Variants in SLC25A26 observed in about 807,000 individuals in gnomAD.
SLC25A26 encodes mitochondrial S-adenosylmethionine carrier protein.
Under a neutral mutation model 37.8 loss-of-function variants are expected in SLC25A26, and 36 were observed. The observed-to-expected ratio is 0.95, with a 90% CI of 0.73 to 1.26. The LOEUF is 1.26. SLC25A26 is among the 50% of genes most tolerant of loss of function. The probability of loss-of-function intolerance (pLI) is 0.00; values close to 1 mark genes in which losing one functional copy is unlikely to be tolerated. For synonymous variants in SLC25A26, 129 were observed against 122.5 expected (o/e 1.05, Z -0.35); for missense variants, 390 against 331.1 (o/e 1.18, Z -1.38).
chr3:66,311,003 T>G (rs1255986062), intron 5 of SLC25A26, among the ~76,000 whole-genome samples: 1 of 152,160 alleles, frequency 6.6e-6, no homozygotes, highest in Non-Finnish European at 1.5e-5. Context: ...ATCTTAGTGG[T>G]GCTCTCTGTA....
chr3:66,191,216 G>A (rs1288036152), intron 1 of SLC25A26, among the ~76,000 whole-genome samples: 3 of 152,266 alleles, frequency 2.0e-5, no homozygotes, highest in Admixed American at 6.5e-5. Flanking sequence ...GCAATGTGGC[G>A]AAACNCCATC....
At chr3:66,176,875 C>A (rs1188596680) in intron 1 of SLC25A26, among the ~76,000 whole-genome samples, 4 of 152,152 alleles carry the variant, frequency 2.6e-5, no homozygotes, top group Non-Finnish European at 4.4e-5. Flanking sequence ...GGAAATCGAC[C>A]TTCTTCCCAG....
At chr3:66,150,560 A>G (rs1404288167) in intron 1 of SLC25A26, among the ~76,000 whole-genome samples, 1 of 127,104 alleles carries the variant, frequency 7.9e-6, no homozygotes, top group Non-Finnish European at 1.6e-5. Context: ...ATATATAATG[A>G]TATATATAAA....
At chr3:66,356,111 A>G in intron 6 of SLC25A26, 1 of 456,132 alleles carries the variant, frequency 2.2e-6, no homozygotes, top group East Asian at 6.9e-5. Context: ...TGGAGCCAAA[A>G]CAGTTATTTT....
chr3:66,359,311 A>G (rs1423303932), intron 6 of SLC25A26, among the ~76,000 whole-genome samples: 1 of 152,146 alleles, frequency 6.6e-6, no homozygotes, highest in African/African-American at 2.4e-5. Context: ...ACCTTCATCA[A>G]ATATTAGACC....
At chr3:66,257,654 A>G (rs1474203071) in intron 3 of SLC25A26, among the ~76,000 whole-genome samples, 2 of 152,098 alleles carry the variant, frequency 1.3e-5, no homozygotes. Context: ...CTAGATTATC[A>G]GCCTTTCTCT....
At chr3:66,134,597 T>G (rs1158858388) in intron 1 of SLC25A26, among the ~76,000 whole-genome samples, 1 of 152,240 alleles carries the variant, frequency 6.6e-6, no homozygotes, top group East Asian at 1.9e-4. Flanking sequence ...AGAATGTATC[T>G]TTAGTTACCT....
In SLC25A26 at chr3:66,347,689, G is replaced by A. The variant is rs539871475; in HGVS notation, c.498+1281G>A. The stretch of plus-strand genomic sequence containing the variant: ...TACATACATACATATATTCATTGCA[G>A]CACTATTTATAATAGCAAAGACATG... On this transcript the variant is annotated intron_variant, in intron 6 of 9. Transcript: ENST00000354883. Among the ~76,000 whole-genome samples, 27 of 152,250 alleles carry A rather than the reference G, an allele frequency of 1.8e-4. No individual in the cohort carries two copies. The South Asian group carries it at 5.4e-3, about 30-fold the overall frequency.
At chr3:66,296,439 A>G (rs2074905481) in intron 5 of SLC25A26, among the ~76,000 whole-genome samples, 1 of 152,220 alleles carries the variant, frequency 6.6e-6, no homozygotes, top group Non-Finnish European at 1.5e-5. Flanking sequence ...TTAAAAATAA[A>G]CTGTCATAAA....
intron 1 of SLC25A26, among the ~76,000 whole-genome samples, chr3:66,204,700 A>T (rs2071155319): frequency 6.6e-6 from 1 of 152,186 alleles, no homozygotes; most frequent in Non-Finnish European, 1.5e-5. Context: ...TAGTTGAGAA[A>T]TGACTTTGTT....
intron 5 of SLC25A26, among the ~76,000 whole-genome samples, chr3:66,329,657 C>G (rs1404266740): frequency 2.0e-5 from 3 of 152,170 alleles, no homozygotes; most frequent in Admixed American, 2.0e-4. Flanking sequence ...AAGAAAGGCA[C>G]TAACAGACAC....
intron 6 of SLC25A26, among the ~76,000 whole-genome samples, chr3:66,360,828 T>G (rs913310170): frequency 1.3e-5 from 2 of 152,230 alleles, no homozygotes; most frequent in Non-Finnish European, 2.9e-5. Flanking sequence ...ACTGGTTCTC[T>G]CCAAAATAAT....
At chr3:66,350,587 CT>C in intron 6 of SLC25A26, among the ~76,000 whole-genome samples, 1 of 152,272 alleles carries the variant, frequency 6.6e-6, no homozygotes, top group Non-Finnish European at 1.5e-5. Flanking sequence ...CACTTAGGTT[CT>C]CAGGAACATA....
chr3:66,217,869 A>C (rs1289267359), upstream of SLC25A26, among the ~76,000 whole-genome samples: 1 of 152,206 alleles, frequency 6.6e-6, no homozygotes, highest in Non-Finnish European at 1.5e-5. Context: ...ATATATACTA[A>C]GTACAACCAT....
intron 3 of SLC25A26, among the ~76,000 whole-genome samples, chr3:66,246,820 C>G (rs772266422): frequency 6.6e-6 from 1 of 152,176 alleles, no homozygotes; most frequent in African/African-American, 2.4e-5. Flanking sequence ...GTAGCTGAGA[C>G]TACTGGTGTG....
intron 6 of SLC25A26, among the ~76,000 whole-genome samples, chr3:66,354,084 C>A (rs1164512114): frequency 2.0e-5 from 3 of 151,722 alleles, no homozygotes; most frequent in African/African-American, 7.3e-5. Flanking sequence ...CCATACAGAT[C>A]TTTTCTTATC....
intron 3 of SLC25A26, among the ~76,000 whole-genome samples, chr3:66,257,796 G>A (rs985892407): frequency 9.2e-5 from 14 of 152,068 alleles, no homozygotes; most frequent in Admixed American, 2.6e-4. Flanking sequence ...CGACGGTAGT[G>A]TACACTTGCT....
chr3:66,323,643 C>T (rs2075755752), intron 5 of SLC25A26, among the ~76,000 whole-genome samples: 1 of 151,842 alleles, frequency 6.6e-6, no homozygotes, highest in African/African-American at 2.4e-5. Context: ...GCTGTCTCTA[C>T]AAAAAGAAAA....
At chr3:66,239,413 C>G (rs1397724747) in intron 2 of SLC25A26, among the ~76,000 whole-genome samples, 1 of 152,196 alleles carries the variant, frequency 6.6e-6, no homozygotes, top group East Asian at 1.9e-4. Flanking sequence ...GCACTCTCAT[C>G]TACATTAGAA....
Sources: gnomAD v4.1 joint callset for allele counts (sites outside exome capture counted in the v4.1 genomes callset) on GRCh38, gnomAD v4.1.1 for gene constraint, MANE v1.5 for transcripts, NCBI Gene and HGNC (gene_info 2026-07-23, HGNC 2026-07-21) for gene names.